WIPF1: variants seen among roughly 807,000 people sequenced by gnomAD.
WIPF1 encodes WAS/WASL interacting protein family member 1, also known as WAS/WASL-interacting protein family member 1.
Under a neutral mutation model 35.4 loss-of-function variants are expected in WIPF1, and 13 were observed. The ratio of observed to expected loss-of-function variants is 0.37; its 90% confidence interval spans 0.24 to 0.58. The LOEUF (loss-of-function observed/expected upper bound fraction) is 0.58, where lower values mean the gene tolerates loss of function less well. WIPF1 is among the 20% of genes least tolerant of loss of function. The pLI, the probability that WIPF1 is intolerant of heterozygous loss-of-function variation, is 0.74. For synonymous variants in WIPF1, 267 were observed against 266.3 expected, an observed-to-expected ratio of 1.00 and a Z score of -0.02; for missense variants, 591 against 667.0, an observed-to-expected ratio of 0.89 and a Z score of 1.25.
chr2:174,642,213 T>G (rs1480059830), intron 1 of WIPF1, among the ~76,000 whole-genome samples: 1 of 152,226 alleles, frequency 6.6e-6, no homozygotes, highest in African/African-American at 2.4e-5. Context: ...CAGCTTTCCA[T>G]TCTCACTGCA....
rs767983731 is a variant in WIPF1, at chr2:174,622,277, A to G, written c.-38-36666T>C. On this transcript the variant is annotated intron_variant, in intron 1 of 8. Transcript: ENST00000272746. The surrounding 1 kb of genome is among the most constrained non-coding windows in gnomAD (Gnocchi z 5.1). ...AATTTTGTCATGCCTGCATACCACC[A>G]AAACTATATGATTTGTTTAATATTT... 2.0e-5 allele frequency among the ~76,000 whole-genome samples: 3 copies of G among 152,180 alleles called. No homozygotes were observed. The highest frequency in any genetic ancestry group is 4.4e-5 in the Non-Finnish European group (3 of 68,040).
chr2:174,620,775 G>A (rs1036504024), intron 1 of WIPF1, among the ~76,000 whole-genome samples: 27 of 152,328 alleles, frequency 1.8e-4, no homozygotes, highest in East Asian at 7.7e-4. Context: ...ACATGATGCC[G>A]TGGGGGTGCC....
chr2:174,623,763 C>T (rs1184528384), intron 1 of WIPF1, among the ~76,000 whole-genome samples: 2 of 152,174 alleles, frequency 1.3e-5, no homozygotes, highest in East Asian at 1.9e-4. Flanking sequence ...ATAAGATGGT[C>T]CCCAGTGATC....
At chr2:174,618,824 TGC>T (rs1419519249) in intron 1 of WIPF1, among the ~76,000 whole-genome samples, 1 of 152,166 alleles carries the variant, frequency 6.6e-6, no homozygotes, top group African/African-American at 2.4e-5. Context: ...TCTCCTTTAT[TGC>T]CCATCTTTAC....
At position 174,571,725 on chromosome 2, in the gene WIPF1, C is replaced by T; in HGVS notation, c.1080G>A (p.Pro360=). Residue 360 remains proline, a synonymous_variant, in exon 5 of 8, where the codon CCG becomes CCA. Transcript: ENST00000679041. This position sits in a 1 kb window ranked among gnomAD's most constrained non-coding sequence, Gnocchi z 4.6. ...CTGGAGGTGGGGGTCTCTCACTGGG[C>T]GGGGGAGGAAGAGGACCTGAACGTC... ...SPGRSGPLPP[P]PSERPPPPVR... The T allele has an allele frequency of 6.2e-7, 1 of 1,613,838 alleles. No homozygotes were observed. The highest frequency in any genetic ancestry group is 8.5e-7 in the Non-Finnish European group (1 of 1,179,986).
rs185767223 is a variant in WIPF1 at position 174,612,565 on chromosome 2, G to C, written c.-38-26954C>G. Among the ~76,000 whole-genome samples the C allele has an allele frequency of 3.0e-4, 31 of 104,424 alleles. No homozygotes were observed. In the East Asian group the frequency reaches 9.1e-3, roughly 31 times the overall value. The allele number at this position is 104,424 out of a possible 152,430, so 68.5% of individuals were successfully genotyped here. On this transcript the variant is annotated intron_variant, in intron 1 of 8. Coordinates refer to the WIPF1 transcript ENST00000272746. ...ATAAATTTTTAGAGTACAATCACTAGAAGACATGAACAGTTTTTTTTTAAG... is the reference window on the plus strand; with the variant it reads ...ATAAATTTTTAGAGTACAATCACTACAAGACATGAACAGTTTTTTTTTAAG...
chr2:174,572,395 G>A lies in WIPF1; in HGVS notation c.410C>T (p.Ser137Phe). Residue 137 changes from serine to phenylalanine, a missense_variant, in exon 5 of 8, where the codon TCT (serine) becomes TTT (phenylalanine). Around this residue, in one of 3 missense-constraint regions of WIPF1, gnomAD observed 471 missense variants for 501.1 expected, o/e 0.94. Transcript: ENST00000679041. ...ACTTGGGGGTGAAAAGGGTTTCGCA[G>A]ATGTGGATCTTCCTCCCGGTGGCAA... ...PLLPPGGRST[S>F]AKPFSPPSGP... The A allele has an allele frequency of 6.2e-7, 1 of 1,614,190 alleles. No individual in the cohort carries two copies. Among genetic ancestry groups the A allele is most frequent in the South Asian group, 1.1e-5 (1 of 91,080 alleles).
chr2:174,635,296 A>G (rs1687151503), intron 1 of WIPF1, among the ~76,000 whole-genome samples: 2 of 152,162 alleles, frequency 1.3e-5, no homozygotes, highest in South Asian at 4.1e-4. Flanking sequence ...TTTCCCTTGA[A>G]AGGGCTGGGC....
intron 1 of WIPF1, among the ~76,000 whole-genome samples, chr2:174,669,122 G>A (rs905927797): frequency 1.3e-5 from 2 of 152,156 alleles, no homozygotes; most frequent in African/African-American, 4.8e-5. Context: ...ATGATTACTG[G>A]TAATCTAAAT....
intron 1 of WIPF1, among the ~76,000 whole-genome samples, chr2:174,627,114 C>T (rs150087978): frequency 1.5e-3 from 222 of 152,288 alleles, no homozygotes; most frequent in Non-Finnish European, 2.7e-3. Flanking sequence ...TGACAGCTGC[C>T]CTTACCAGCT....
chr2:174,575,555 C>G, intron 3 of WIPF1, 175 bp from the exon 4 acceptor site: 7 of 1,103,492 alleles, frequency 6.3e-6, no homozygotes, highest in Non-Finnish European at 8.6e-6. Context: ...ACTGCCCGCT[C>G]CAGGCAGTCC....
chr2:174,681,171 G>C (rs1366690841), intron 1 of WIPF1, among the ~76,000 whole-genome samples: 1 of 152,194 alleles, frequency 6.6e-6, no homozygotes, highest in Non-Finnish European at 1.5e-5. Flanking sequence ...CAGGGGTTGG[G>C]TAAGTCCCAG....
intron 1 of WIPF1, among the ~76,000 whole-genome samples, chr2:174,639,614 C>T (rs182970337): frequency 6.6e-6 from 1 of 152,014 alleles, no homozygotes; most frequent in Admixed American, 6.6e-5. Flanking sequence ...TGGATATTAA[C>T]CCCTTGTCAG....
chr2:174,572,539 T>G lies in WIPF1; in HGVS notation c.359-93A>C. The G allele has an allele frequency of 2.7e-6, 4 of 1,494,398 alleles. No individual in the cohort carries two copies. In the South Asian group the frequency reaches 4.8e-5, roughly 18 times the overall value. 92.6% of individuals were successfully genotyped at this position (1,494,398 alleles called of 1,614,324 possible). A position where few individuals can be genotyped will look rare whatever the true frequency, so the allele number is the denominator to read the frequency against. On this transcript the variant is annotated intron_variant, in intron 4 of 7. Coordinates refer to ENST00000679041, the MANE Select transcript of WIPF1 (RefSeq NM_001375834.1). Reference sequence around the variant, plus strand: ...CTGTTCCCAGTGACTGGAAGTCCCTTCCTCAGAGGGCTATAAAATACAGGA... The same window carrying G: ...CTGTTCCCAGTGACTGGAAGTCCCTGCCTCAGAGGGCTATAAAATACAGGA...
chr2:174,627,961 G>A (rs1686900788), intron 1 of WIPF1, among the ~76,000 whole-genome samples: 1 of 152,120 alleles, frequency 6.6e-6, no homozygotes, highest in Non-Finnish European at 1.5e-5. Flanking sequence ...TGACACTTAG[G>A]AGAGGCTGCT....
chr2:174,646,185 G>A (rs940693872), intron 1 of WIPF1, among the ~76,000 whole-genome samples: 1 of 152,180 alleles, frequency 6.6e-6, no homozygotes, highest in African/African-American at 2.4e-5. Context: ...TTCAGAATTT[G>A]TGTTTTCCTC....
At chr2:174,629,943 C>T (rs1007594354) in intron 1 of WIPF1, 2 of 152,244 alleles carry the variant, frequency 1.3e-5, no homozygotes, top group African/African-American at 4.8e-5. Context: ...TTACAGTTTA[C>T]TAGCAAACCC....
chr2:174,627,040 C>T (rs956326842), intron 1 of WIPF1, among the ~76,000 whole-genome samples: 34 of 152,276 alleles, frequency 2.2e-4, no homozygotes, highest in African/African-American at 7.5e-4. Context: ...AGGCATGTTC[C>T]GCTTCTGCGT....
chr2:174,672,729 A>AC (rs1688046606), intron 1 of WIPF1, among the ~76,000 whole-genome samples: 2 of 152,196 alleles, frequency 1.3e-5, no homozygotes. Context: ...CATGCTGGCC[A>AC]CCATCTTCTC....
Sources: gnomAD v4.1 joint callset for allele counts (sites outside exome capture counted in the v4.1 genomes callset) on GRCh38, gnomAD v4.1.1 for gene constraint, gnomAD v4.1.1 regional missense constraint, Gnocchi (gnomAD v3.1) non-coding constraint, MANE v1.5 for transcripts, NCBI Gene and HGNC (gene_info 2026-07-23, HGNC 2026-07-21) for gene names.